The following COL22A1 variants were observed in gnomAD, a reference collection of about 807,000 sequenced individuals.
COL22A1 encodes collagen type XXII alpha 1 chain.
COL22A1 carries 221 observed loss-of-function variants against 248.9 expected under a neutral mutation model. That is an observed-to-expected ratio of 0.89 (90% CI 0.80 to 0.99). The LOEUF (loss-of-function observed/expected upper bound fraction) is 0.99. Among genes scored for constraint, COL22A1 ranks in the 50% least tolerant of loss-of-function variants. The pLI is 0.00. For missense variants in COL22A1, 2,240 were observed against 2,179.0 expected (o/e 1.03, Z -0.56); for synonymous variants, 891 against 793.4 (o/e 1.12, Z -2.07).
intron 3 of COL22A1, among the ~76,000 whole-genome samples, chr8:138,861,183 C>A (rs1421760536): frequency 2.6e-5 from 4 of 152,234 alleles, no homozygotes; most frequent in African/African-American, 9.6e-5. Context: ...ATCCATCACT[C>A]CTGCTGGGAC....
intron 35 of COL22A1, among the ~76,000 whole-genome samples, chr8:138,692,994 C>T (rs1177178390): frequency 6.6e-6 from 1 of 152,166 alleles, no homozygotes; most frequent in Non-Finnish European, 1.5e-5. Context: ...GCTGCTGCTC[C>T]TCTTGCCACC....
At chr8:138,913,117 T>A (rs2132223206) in intron 1 of COL22A1, among the ~76,000 whole-genome samples, 1 of 152,184 alleles carries the variant, frequency 6.6e-6, no homozygotes, top group South Asian at 2.1e-4. Flanking sequence ...TAAATTTAGA[T>A]CAAGAAAGCT....
At chr8:138,901,370 T>TTTTG (rs1279018650) in intron 1 of COL22A1, among the ~76,000 whole-genome samples, 4 of 84,496 alleles carry the variant, frequency 4.7e-5, no homozygotes, top group East Asian at 3.9e-4. Flanking sequence ...TTTTTTTTTG[T>TTTTG]TTTTTTTTTT....
chr8:138,690,764 G>T, intron 36 of COL22A1, 57 bp downstream of exon 36: 1 of 1,418,230 alleles, frequency 7.1e-7, no homozygotes, highest in Non-Finnish European at 9.7e-7. Flanking sequence ...TTTTGGGGAG[G>T]ATACATTAAC....
intron 63 of COL22A1, 86 bp from the exon 64 acceptor site, chr8:138,591,587 G>T: frequency 9.9e-7 from 1 of 1,011,354 alleles, no homozygotes; most frequent in Non-Finnish European, 1.4e-6. Flanking sequence ...AGGTGCAGGG[G>T]CAGCACTGGG....
At chr8:138,734,372 C>T (rs748075770) in intron 23 of COL22A1, among the ~76,000 whole-genome samples, 2 of 152,016 alleles carry the variant, frequency 1.3e-5, no homozygotes, top group Admixed American at 6.6e-5. Context: ...GTACCCAGTG[C>T]GTACTTAATA....
At chr8:138,684,524 C>T (rs1826196665) in intron 38 of COL22A1, 55 bp from the exon 39 acceptor site, 4 of 1,291,796 alleles carry the variant, frequency 3.1e-6, no homozygotes, top group Non-Finnish European at 4.5e-6. Flanking sequence ...AACACTGACC[C>T]ATCCACCACG....
Position 138,896,248 on chromosome 8 carries a change from A to T in COL22A1, c.-72-13004T>A, listed in dbSNP as rs190067950. Among the ~76,000 whole-genome samples, 1,295 of 148,846 alleles carry T rather than the reference A, an allele frequency of 8.7e-3. 9 individuals are homozygous for T. The highest frequency in any genetic ancestry group is 0.024 in the African/African-American group (969 of 41,218). Reference sequence around the variant, plus strand: ...TAGAGTCTATTTTTCATGAGTTTTTAAAAAAAAATTTGATGACTAAGCAAA... The same window carrying T: ...TAGAGTCTATTTTTCATGAGTTTTTTAAAAAAAATTTGATGACTAAGCAAA... On this transcript the variant is annotated intron_variant, in intron 1 of 64. Transcript: ENST00000303045.
Position 138,755,860 on chromosome 8 carries a change from G to C in COL22A1, c.1903-31C>G, listed in dbSNP as rs200171607. 3.9e-5 allele frequency: 62 copies of C among 1,605,932 alleles called. No homozygotes were observed. In the East Asian group the frequency reaches 1.1e-3, roughly 28 times the overall value. On this transcript the variant is annotated intron_variant, in intron 18 of 64. Transcript: ENST00000303045. ...CAGAAACGACAAACATTTCAGCATA[G>C]TTACTGGTGCCACCTTCTGTGGCAG...
At chr8:138,677,552 C>A (rs887417691) in intron 40 of COL22A1, among the ~76,000 whole-genome samples, 4 of 119,376 alleles carry the variant, frequency 3.4e-5, no homozygotes, top group Admixed American at 3.3e-4. Context: ...CCCTTAAAAA[C>A]AAGTGTTGAT....
chr8:138,755,112 G>A (rs1437241847), intron 21 of COL22A1, 45 bp downstream of exon 21: 1 of 1,591,340 alleles, frequency 6.3e-7, no homozygotes, highest in Admixed American at 1.7e-5. Context: ...CCATTGGTAA[G>A]AGAAGCGTGC....
intron 45 of COL22A1, 87 bp downstream of exon 45, chr8:138,655,810 T>C (rs555197049): frequency 8.8e-7 from 1 of 1,131,382 alleles, no homozygotes; most frequent in Non-Finnish European, 1.3e-6. Flanking sequence ...AAATAGTTGT[T>C]CAAAAAAAAC....
At chr8:138,690,796 C>T (rs779928177) in intron 36 of COL22A1, 25 bp downstream of exon 36, 63 of 1,593,624 alleles carry the variant, frequency 4.0e-5, no homozygotes, top group African/African-American at 8.1e-5. Flanking sequence ...CTGGGCCGTG[C>T]GTATGCCCTC....
At chr8:138,886,902 TA>T (rs557763302) in intron 1 of COL22A1, among the ~76,000 whole-genome samples, 33 of 152,294 alleles carry the variant, frequency 2.2e-4, no homozygotes, top group African/African-American at 6.3e-4. Flanking sequence ...TATATACATA[TA>T]TTTTTTTACT....
chr8:138,635,058 A>G lies in COL22A1; in HGVS notation c.3561T>C (p.His1187=). The G allele has an allele frequency of 6.2e-7, 1 of 1,609,142 alleles. No individual in the cohort carries two copies. The highest frequency in any genetic ancestry group is 8.5e-7 in the Non-Finnish European group (1 of 1,176,804). The change falls in exon 49 of 65, where the codon CAT becomes CAC. Residue 1187 remains histidine, a synonymous_variant. Transcript: ENST00000303045. ...GCCCCATGAAACCTGGAACTCCAGG[A>G]TGACCCTAGGAAAACACAAGATGCA... is the stretch of plus-strand genomic sequence containing the variant. ...GEVGQKGDQG[H]PGVPGFMGPP...
chr8:138,662,916 C>A (rs1243621757), intron 42 of COL22A1, among the ~76,000 whole-genome samples: 1 of 151,318 alleles, frequency 6.6e-6, no homozygotes, highest in Non-Finnish European at 1.5e-5. Flanking sequence ...CCGGGGAGGG[C>A]GAGGCAGGAG....
chr8:138,716,194 C>A (rs761436915), intron 29 of COL22A1, 33 bp downstream of exon 29: 13 of 1,540,830 alleles, frequency 8.4e-6, no homozygotes, highest in Non-Finnish European at 1.1e-5. Flanking sequence ...GGGCGAGGTT[C>A]CTGTGTGGGA....
intron 50 of COL22A1, among the ~76,000 whole-genome samples, chr8:138,629,589 G>T (rs141945489): frequency 6.6e-5 from 10 of 152,304 alleles, no homozygotes; most frequent in African/African-American, 2.4e-4. Context: ...CTCAACATCC[G>T]TCTGGCTGCC....
chr8:138,630,832 T>G, intron 49 of COL22A1, 84 bp from the exon 50 acceptor site: 3 of 1,169,834 alleles, frequency 2.6e-6, no homozygotes, highest in Non-Finnish European at 3.8e-6. Flanking sequence ...ACAAAGCAAT[T>G]GATATGGTTG....
Sources: allele counts gnomAD v4.1 joint callset (sites outside exome capture counted in the v4.1 genomes callset), GRCh38; gene constraint gnomAD v4.1.1; transcripts MANE v1.5; gene names NCBI Gene and HGNC (gene_info 2026-07-23, HGNC 2026-07-21).